The following TBXAS1 variants were observed in gnomAD, a reference collection of about 807,000 sequenced individuals.
The protein encoded by TBXAS1 is thromboxane A synthase 1, also known as thromboxane-A synthase.
A neutral mutation model predicts 60.7 loss-of-function variants in TBXAS1; 48 were observed. That is an observed-to-expected ratio of 0.79 (90% CI 0.63 to 1.01). The LOEUF (loss-of-function observed/expected upper bound fraction) is 1.01, where lower values mean the gene tolerates loss of function less well. Ranked by LOEUF, TBXAS1 falls within the 50% of genes least tolerant of loss-of-function variation. TBXAS1 has a pLI of 0.00. For synonymous variants in TBXAS1, 287 were observed against 269.7 expected (o/e 1.06, Z -0.63); for missense variants, 685 against 686.3 (o/e 1.00, Z 0.02).
At chr7:139,813,318 C>G (rs1798068350) in intron 4 of TBXAS1, among the ~76,000 whole-genome samples, 1 of 152,170 alleles carries the variant, frequency 6.6e-6, no homozygotes, top group African/African-American at 2.4e-5. Flanking sequence ...GTAACCTCCA[C>G]TGACTACTGC....
chr7:139,833,443 A>G (rs1231791462), intron 1 of TBXAS1, among the ~76,000 whole-genome samples: 1 of 148,050 alleles, frequency 6.8e-6, no homozygotes, highest in African/African-American at 2.5e-5. Flanking sequence ...AGCACTTTGG[A>G]TCACAAGGTC....
At position 139,896,832 on chromosome 7, in the gene TBXAS1, T is replaced by C. The variant is rs1046554157; in HGVS notation, c.237-14393T>C. 4.6e-5 allele frequency among the ~76,000 whole-genome samples: 7 copies of C among 152,050 alleles called. No homozygotes were observed. Among genetic ancestry groups the C allele is most frequent in the African/African-American group, 1.7e-4 (7 of 41,374 alleles). The stretch of plus-strand genomic sequence containing the variant: ...GAGCTCCTGAAGGGCCCCTGCTTGG[T>C]TACAAGTGAAGAAGCTTAAACTTGC... On this transcript the variant is annotated intron_variant, in intron 3 of 12. Coordinates refer to ENST00000448866, the MANE Select transcript of TBXAS1 (RefSeq NM_001061.7). This position sits in a 1 kb window ranked among gnomAD's most constrained non-coding sequence, Gnocchi z 4.0.
At chr7:139,805,592 C>A (rs938416151) in intron 4 of TBXAS1, among the ~76,000 whole-genome samples, 2 of 152,018 alleles carry the variant, frequency 1.3e-5, no homozygotes, top group African/African-American at 2.4e-5. Flanking sequence ...TAGAACACAT[C>A]CCTAGATTTT....
At chr7:139,895,298 C>T (rs191792362) in intron 3 of TBXAS1, among the ~76,000 whole-genome samples, 6 of 151,702 alleles carry the variant, frequency 4.0e-5, no homozygotes, top group East Asian at 3.9e-4. Context: ...GGAAAGCCTT[C>T]GTTGCCAGGC....
chr7:139,829,539 CTGGTGCCA>C (rs1798574135), intron 1 of TBXAS1, 60 bp downstream of exon 1: 2 of 1,510,468 alleles, frequency 1.3e-6, no homozygotes. Context: ...TGGAGCCTTG[CTGGTGCCA>C]TGGCGGGGTA....
chr7:139,849,619 G>T (rs1422111536), intron 1 of TBXAS1, among the ~76,000 whole-genome samples: 1 of 152,150 alleles, frequency 6.6e-6, no homozygotes, highest in Non-Finnish European at 1.5e-5. Flanking sequence ...ATAAGCAATA[G>T]AGGGAAGGGT....
rs148321206 is a variant in TBXAS1, at chr7:140,004,861, C to T, written c.1135-2230C>T. Among the ~76,000 whole-genome samples the T allele has an allele frequency of 3.2e-3, 490 of 152,336 alleles. 4 individuals carry two copies. The highest frequency in any genetic ancestry group is 0.011 in the African/African-American group (465 of 41,574). On this transcript the variant is annotated intron_variant, in intron 9 of 12. Coordinates refer to ENST00000448866, the MANE Select transcript of TBXAS1 (RefSeq NM_001061.7). This position sits in a 1 kb window ranked among gnomAD's most constrained non-coding sequence, Gnocchi z 5.1. ...TTTGCCCCCATCGAGAAACAGCCTCCGGCCGGCCCCGCCACATACACTGTG... is the reference window on the plus strand; with the variant it reads ...TTTGCCCCCATCGAGAAACAGCCTCTGGCCGGCCCCGCCACATACACTGTG...
At chr7:139,788,189 G>A (rs1445419815) in intron 4 of TBXAS1, among the ~76,000 whole-genome samples, 4 of 152,130 alleles carry the variant, frequency 2.6e-5, no homozygotes, top group South Asian at 2.1e-4. Context: ...GAAAATAAAC[G>A]TGCCATTTTT....
At chr7:139,933,007 C>A (rs942888490) in intron 4 of TBXAS1, among the ~76,000 whole-genome samples, 2 of 152,006 alleles carry the variant, frequency 1.3e-5, no homozygotes, top group African/African-American at 4.8e-5. Context: ...CAGTGAGCCA[C>A]GATCACACCA....
intron 9 of TBXAS1, among the ~76,000 whole-genome samples, chr7:139,981,744 A>T (rs180696759): frequency 1.2e-4 from 18 of 152,240 alleles, no homozygotes; most frequent in African/African-American, 4.3e-4. Flanking sequence ...GATTCCAGAC[A>T]GACCATAAGT....
In TBXAS1 at chr7:139,778,627, T is replaced by C. The variant is rs1220249260; in HGVS notation, c.-318+156T>C. On this transcript the variant is annotated intron_variant, in intron 1 of 16. Coordinates refer to the TBXAS1 transcript ENST00000336425. This position sits in a 1 kb window ranked among gnomAD's most constrained non-coding sequence, Gnocchi z 4.8. Reference sequence around the variant, plus strand: ...TGCAGCCCCCGGGGTGGTCGCTGGGTTCCTGCCGGAGTCTGGCTTCCACGC... The same window carrying C: ...TGCAGCCCCCGGGGTGGTCGCTGGGCTCCTGCCGGAGTCTGGCTTCCACGC... 1.3e-5 allele frequency among the ~76,000 whole-genome samples: 2 copies of C among 152,064 alleles called. No homozygotes were observed. The highest frequency in any genetic ancestry group is 2.4e-5 in the African/African-American group (1 of 41,404).
In TBXAS1 at chr7:140,020,008, A is replaced by G; in HGVS notation, c.1528-17A>G. ...CTACTATCTCTTTGACAAATATTTT[A>G]ATTTTCTCTATTTTAGGTACCGCTG... On this transcript the variant is annotated splice_polypyrimidine_tract_variant and intron_variant, in intron 12 of 12. Transcript: ENST00000448866. The G allele has an allele frequency of 1.2e-6, 2 of 1,611,872 alleles. No homozygotes were observed. The highest frequency in any genetic ancestry group is 1.7e-6 in the Non-Finnish European group (2 of 1,178,166).
intron 9 of TBXAS1, among the ~76,000 whole-genome samples, chr7:139,982,348 C>T (rs1037610818): frequency 6.6e-6 from 1 of 152,166 alleles, no homozygotes; most frequent in African/African-American, 2.4e-5. Flanking sequence ...GAGAAAGGCA[C>T]TTACTGCTGG....
chr7:139,890,207 C>CTTTTTTT (rs57305084), intron 3 of TBXAS1, among the ~76,000 whole-genome samples: 2 of 85,602 alleles, frequency 2.3e-5, no homozygotes, highest in Admixed American at 1.5e-4. Context: ...AGGATGCAGT[C>CTTTTTTT]TTTTTTTTTT....
intron 3 of TBXAS1, among the ~76,000 whole-genome samples, chr7:139,876,875 G>T (rs1047227111): frequency 6.6e-6 from 1 of 152,072 alleles, no homozygotes; most frequent in Non-Finnish European, 1.5e-5. Context: ...GGATGGCTCC[G>T]CTGGACTTCT....
chr7:139,815,925 A>C (rs753990081), intron 4 of TBXAS1, among the ~76,000 whole-genome samples: 1 of 152,212 alleles, frequency 6.6e-6, no homozygotes, highest in African/African-American at 2.4e-5. Context: ...CCTGTCAAGG[A>C]AAGATGGTGA....
At chr7:139,940,931 T>A (rs1443283310) in intron 5 of TBXAS1, among the ~76,000 whole-genome samples, 1 of 151,738 alleles carries the variant, frequency 6.6e-6, no homozygotes, top group East Asian at 1.9e-4. Context: ...CAAGAAAAAA[T>A]TAAATAAGAG....
At chr7:139,829,995 G>A (rs894714279) in intron 1 of TBXAS1, among the ~76,000 whole-genome samples, 18 of 152,154 alleles carry the variant, frequency 1.2e-4, no homozygotes, top group Non-Finnish European at 4.4e-5. Flanking sequence ...TCTCATAGTT[G>A]ATAGAGGGAG....
chr7:139,778,369 CGAGGGTTCGCGCGTGTGCTGGCGGG>C (rs1796848553), upstream of TBXAS1: 1 of 153,020 alleles, frequency 6.5e-6, no homozygotes. This position sits in a 1 kb window ranked among gnomAD's most constrained non-coding sequence, Gnocchi z 4.8. Flanking sequence ...TGCCCAGGTG[CGAGGGTTCGCGCGTGTGCTGGCGGG>C]GAGGGAACCG....
Sources: gnomAD v4.1 joint callset for allele counts (sites outside exome capture counted in the v4.1 genomes callset) on GRCh38, gnomAD v4.1.1 for gene constraint, Gnocchi (gnomAD v3.1) non-coding constraint, MANE v1.5 for transcripts, NCBI Gene and HGNC (gene_info 2026-07-23, HGNC 2026-07-21) for gene names.